Variants in SRGAP3 observed in about 807,000 individuals in gnomAD.
SRGAP3 encodes SLIT-ROBO Rho GTPase-activating protein 3.
In SRGAP3, 39 loss-of-function variants were observed where a neutral mutation model predicts 121.1. The ratio of observed to expected loss-of-function variants is 0.32; its 90% CI spans 0.25 to 0.42. The LOEUF is 0.42. SRGAP3 is among the 10% of genes least tolerant of loss of function. The probability of loss-of-function intolerance (pLI) is 1.00; values close to 1 mark genes in which losing one functional copy is unlikely to be tolerated. For missense variants in SRGAP3, 1,213 were observed against 1,470.6 expected, an observed-to-expected ratio of 0.82 and a Z score of 2.86; for synonymous variants, 601 against 570.0, an observed-to-expected ratio of 1.05 and a Z score of -0.77.
At chr3:9,078,499 C>G (rs768417675) in intron 4 of SRGAP3, among the ~76,000 whole-genome samples, 7 of 152,124 alleles carry the variant, frequency 4.6e-5, no homozygotes, top group Non-Finnish European at 1.0e-4. Flanking sequence ...TCACACCCAT[C>G]AAGGAGGAGC....
At chr3:9,013,186 A>G in intron 17 of SRGAP3, 122 bp downstream of exon 17, 2 of 969,120 alleles carry the variant, frequency 2.1e-6, no homozygotes, top group Non-Finnish European at 3.2e-6. Flanking sequence ...AGCTCAGATG[A>G]GAAAATGTAT....
intron 1 of SRGAP3, among the ~76,000 whole-genome samples, chr3:9,175,856 G>A (rs1951160754): frequency 1.3e-5 from 2 of 152,212 alleles, no homozygotes; most frequent in Admixed American, 6.5e-5. Context: ...GGATTAAAGT[G>A]CATAGACACA....
intron 9 of SRGAP3, chr3:9,049,308 C>T (rs1440546791): frequency 2.3e-6 from 1 of 434,494 alleles, no homozygotes; most frequent in Non-Finnish European, 4.6e-6. Context: ...TTGTGGTGTC[C>T]TCTCTCCTTT....
intron 1 of SRGAP3, among the ~76,000 whole-genome samples, chr3:9,243,994 T>A (rs1481830503): frequency 1.3e-5 from 2 of 152,204 alleles, no homozygotes; most frequent in Non-Finnish European, 1.5e-5. Flanking sequence ...TGGAGCAGCA[T>A]CTGCCTTCTC....
intron 3 of SRGAP3, among the ~76,000 whole-genome samples, chr3:9,313,058 T>TC (rs1023713770): frequency 6.6e-6 from 1 of 152,062 alleles, no homozygotes; most frequent in Admixed American, 6.6e-5. Context: ...CCCCCATTGC[T>TC]CCCCATCTAC....
intron 1 of SRGAP3, among the ~76,000 whole-genome samples, chr3:9,133,085 G>T (rs1949519751): frequency 6.7e-6 from 1 of 149,866 alleles, no homozygotes; most frequent in African/African-American, 2.4e-5. Flanking sequence ...TCTATATATA[G>T]AATTTACATA....
chr3:9,000,558 G>C (rs1942694214), intron 18 of SRGAP3, among the ~76,000 whole-genome samples: 1 of 152,230 alleles, frequency 6.6e-6, no homozygotes, highest in South Asian at 2.1e-4. Flanking sequence ...AGAAGTTCAA[G>C]TCGAAGGGGA....
At chr3:9,197,581 T>C (rs760469165) in intron 1 of SRGAP3, among the ~76,000 whole-genome samples, 1 of 152,240 alleles carries the variant, frequency 6.6e-6, no homozygotes, top group Non-Finnish European at 1.5e-5. Flanking sequence ...AACTGTGTCA[T>C]ATGGGTATTA....
chr3:9,310,353 CTA>C (rs894444055), intron 3 of SRGAP3, among the ~76,000 whole-genome samples: 2 of 152,158 alleles, frequency 1.3e-5, no homozygotes, highest in Admixed American at 1.3e-4. Context: ...AACAGTATCC[CTA>C]TCTGTTGTCT....
chr3:9,346,729 T>G (rs371600755), intron 1 of SRGAP3, among the ~76,000 whole-genome samples: 20 of 150,308 alleles, frequency 1.3e-4, no homozygotes, highest in Non-Finnish European at 2.7e-4. Context: ...GGAACAAGAA[T>G]AGAGCAACTA....
chr3:9,019,518 G>C (rs1440259660), intron 14 of SRGAP3, among the ~76,000 whole-genome samples: 1 of 152,246 alleles, frequency 6.6e-6, no homozygotes, highest in Non-Finnish European at 1.5e-5. Context: ...GCCTTCTGCT[G>C]TTTTGATGTT....
In SRGAP3 at chr3:9,359,318, G is replaced by A. The variant is rs561402174; in HGVS notation, n.214+3522C>T. 6.6e-5 allele frequency among the ~76,000 whole-genome samples: 10 copies of A among 152,230 alleles called. No individual in the cohort carries two copies. In the East Asian group the frequency reaches 1.7e-3, roughly 26 times the overall value. On this transcript the variant is annotated intron_variant and non_coding_transcript_variant, in intron 1 of 3. Coordinates refer to the SRGAP3 transcript ENST00000490889. Reference sequence around the variant, plus strand: ...GGTCCATACTATCTTTATGTAGATAGGGAAAAAGTCTCTTCCAACTTGATA... The same window carrying A: ...GGTCCATACTATCTTTATGTAGATAAGGAAAAAGTCTCTTCCAACTTGATA...
intron 5 of SRGAP3, among the ~76,000 whole-genome samples, chr3:9,061,838 C>G (rs1239484021): frequency 6.6e-6 from 1 of 152,332 alleles, no homozygotes. Context: ...CTGGCTAAGC[C>G]AGCCTGGGAA....
chr3:9,121,170 C>T (rs1218965539), intron 2 of SRGAP3, among the ~76,000 whole-genome samples: 2 of 152,138 alleles, frequency 1.3e-5, no homozygotes, highest in Admixed American at 1.3e-4. Context: ...CTGTCTTCTT[C>T]CCTCCTTCCT....
At position 9,361,228 on chromosome 3, in the gene SRGAP3, G is replaced by A. The variant is rs142606335; in HGVS notation, n.214+1612C>T. 8.8e-3 allele frequency among the ~76,000 whole-genome samples: 1,344 copies of A among 152,082 alleles called. 10 individuals carry two copies. The highest frequency in any genetic ancestry group is 0.013 in the Non-Finnish European group (881 of 67,982). On this transcript the variant is annotated intron_variant and non_coding_transcript_variant, in intron 1 of 3. Coordinates refer to the SRGAP3 transcript ENST00000490889. ...AGCTATTCTCCTGTCTCAGCCTCCC[G>A]AGTAGCTGGGACTACAGGTGAGTGT...
intron 1 of SRGAP3, among the ~76,000 whole-genome samples, chr3:9,167,767 C>A (rs1158125384): frequency 6.6e-6 from 1 of 152,186 alleles, no homozygotes; most frequent in Non-Finnish European, 1.5e-5. Context: ...AGATTGAAAG[C>A]AAAAGCTATT....
At chr3:9,038,564 T>C (rs979212806) in intron 10 of SRGAP3, among the ~76,000 whole-genome samples, 9 of 152,390 alleles carry the variant, frequency 5.9e-5, no homozygotes, top group Admixed American at 2.6e-4. Context: ...GTTGTATGCC[T>C]GGCACTGAAG....
chr3:9,333,628 A>C (rs1380803726), intron 1 of SRGAP3, among the ~76,000 whole-genome samples: 1 of 152,100 alleles, frequency 6.6e-6, no homozygotes, highest in Admixed American at 6.6e-5. Flanking sequence ...GTTACCTAGC[A>C]ATTTCCCATG....
At chr3:9,171,269 A>G (rs1329124489) in intron 1 of SRGAP3, among the ~76,000 whole-genome samples, 1 of 152,192 alleles carries the variant, frequency 6.6e-6, no homozygotes, top group South Asian at 2.1e-4. Context: ...GAAACATCCA[A>G]TCTGCTCCAA....
Sources: gnomAD v4.1 joint callset for allele counts (sites outside exome capture counted in the v4.1 genomes callset) on GRCh38, gnomAD v4.1.1 for gene constraint, MANE v1.5 for transcripts, NCBI Gene and HGNC (gene_info 2026-07-23, HGNC 2026-07-21) for gene names.